NEO1: variants seen among roughly 807,000 people sequenced by gnomAD.
NEO1 encodes the protein neogenin.
In NEO1, 63 loss-of-function variants were observed where a neutral mutation model predicts 159.7. That is an observed-to-expected ratio of 0.39 (90% CI 0.32 to 0.49). The LOEUF is 0.49. Ranked by LOEUF, NEO1 falls within the 20% of genes least tolerant of loss-of-function variation. The pLI, the probability that NEO1 is intolerant of heterozygous loss-of-function variation, is 0.85. For synonymous variants in NEO1, 633 were observed against 662.0 expected, an observed-to-expected ratio of 0.96 and a Z score of 0.67; for missense variants, 1,615 against 1,831.0, an observed-to-expected ratio of 0.88 and a Z score of 2.15.
chr15:73,176,622 C>T lies in NEO1; in HGVS notation c.1170+65C>T, dbSNP rs949407601. ...TTTAGATATTTTTAAATGTAGTCAC[C>T]GAGAGATCAGTTATCTTATATATAC... On this transcript the variant is annotated intron_variant, in intron 6 of 28. Coordinates refer to ENST00000261908, the MANE Select transcript of NEO1 (RefSeq NM_002499.4). 2.6e-5 allele frequency: 33 copies of T among 1,283,152 alleles called. 1 individual carries two copies. Among genetic ancestry groups the T allele is most frequent in the South Asian group, 1.5e-4 (9 of 61,940 alleles). 79.5% of individuals were successfully genotyped at this position (1,283,152 alleles called of 1,614,324 possible). A position where few individuals can be genotyped will look rare whatever the true frequency, so the allele number is the denominator to read the frequency against.
chr15:73,052,829 G>A lies in NEO1; in HGVS notation c.130+24G>A, dbSNP rs1453578039. 6.7e-6 allele frequency: 4 copies of A among 599,516 alleles called. No homozygotes were observed. The East Asian group carries it at 4.8e-4, about 71-fold the overall frequency. The allele number at this position is 599,516 out of a possible 1,614,324, so 37.1% of individuals were successfully genotyped here. A position where few individuals can be genotyped will look rare whatever the true frequency, so the allele number is the denominator to read the frequency against. On this transcript the variant is annotated intron_variant, in intron 1 of 28. Transcript: ENST00000261908. ...AGGTAAGCGGCGGGCGCGGGCCCGGGGGTTCGCGGGGGCGCGGCACCGGCT... is the reference window on the plus strand; with the variant it reads ...AGGTAAGCGGCGGGCGCGGGCCCGGAGGTTCGCGGGGGCGCGGCACCGGCT...
chr15:73,162,546 C>A (rs2034265552), intron 5 of NEO1, among the ~76,000 whole-genome samples: 1 of 151,974 alleles, frequency 6.6e-6, no homozygotes, highest in South Asian at 2.1e-4. Context: ...GTGTGCGTCA[C>A]CATGCCCAGC....
At chr15:73,083,356 G>C (rs945485648) in intron 1 of NEO1, among the ~76,000 whole-genome samples, 11 of 152,002 alleles carry the variant, frequency 7.2e-5, no homozygotes, top group Admixed American at 2.0e-4. Context: ...GGGATGGAAG[G>C]GGGAGAGGTA....
At position 73,198,842 on chromosome 15, in the gene NEO1, A is replaced by G. The variant is rs115369853; in HGVS notation, c.1291+20415A>G. ...TTAAGAAACTTTATCTTAGGATTATATTAGATTTATAGAAAAATTATGAAG... is the reference window on the plus strand; with the variant it reads ...TTAAGAAACTTTATCTTAGGATTATGTTAGATTTATAGAAAAATTATGAAG... On this transcript the variant is annotated intron_variant, in intron 7 of 28. Coordinates refer to ENST00000261908, the MANE Select transcript of NEO1 (RefSeq NM_002499.4). Among the ~76,000 whole-genome samples the G allele has an allele frequency of 2.4e-3, 360 of 151,988 alleles. 3 individuals carry two copies. Among genetic ancestry groups the G allele is most frequent in the African/African-American group, 7.5e-3 (309 of 41,466 alleles).
chr15:73,151,232 C>G (rs1237587478), intron 5 of NEO1, among the ~76,000 whole-genome samples: 4 of 152,178 alleles, frequency 2.6e-5, no homozygotes, highest in Non-Finnish European at 5.9e-5. Context: ...TGCATATTGG[C>G]TGTTCTGGCA....
chr15:73,189,889 T>A (rs1377091712), intron 7 of NEO1, among the ~76,000 whole-genome samples: 1 of 152,228 alleles, frequency 6.6e-6, no homozygotes, highest in East Asian at 1.9e-4. Flanking sequence ...ATCAAAACAT[T>A]TAAAATACAA....
At chr15:73,097,727 G>A (rs2070144226) in intron 1 of NEO1, among the ~76,000 whole-genome samples, 1 of 147,284 alleles carries the variant, frequency 6.8e-6, no homozygotes, top group Non-Finnish European at 1.5e-5. Context: ...CTATTATGAT[G>A]AGATGTTTCA....
intron 26 of NEO1, among the ~76,000 whole-genome samples, chr15:73,294,022 CA>C (rs1374621858): frequency 3.3e-5 from 5 of 152,290 alleles, no homozygotes; most frequent in Admixed American, 6.5e-5. Context: ...GTGGGGCCAC[CA>C]GCCACGAGGA....
chr15:73,192,721 AGTAT>A (rs1205887184), intron 7 of NEO1, among the ~76,000 whole-genome samples: 1 of 151,978 alleles, frequency 6.6e-6, no homozygotes, highest in Non-Finnish European at 1.5e-5. Flanking sequence ...GTTGCAGAAA[AGTAT>A]GTATACTCTG....
At chr15:73,147,238 A>G (rs2032975387) in intron 5 of NEO1, among the ~76,000 whole-genome samples, 1 of 152,198 alleles carries the variant, frequency 6.6e-6, no homozygotes. Context: ...TACCTCAGCT[A>G]ATGTTCCCAG....
intron 3 of NEO1, among the ~76,000 whole-genome samples, chr15:73,123,136 G>A (rs2071768807): frequency 6.7e-6 from 1 of 149,422 alleles, no homozygotes. Context: ...CAGCCTGGGC[G>A]ATAGAGCAAG....
At chr15:73,202,028 A>G (rs967851628) in intron 7 of NEO1, among the ~76,000 whole-genome samples, 6 of 141,010 alleles carry the variant, frequency 4.3e-5, no homozygotes, top group East Asian at 2.1e-4. Context: ...CAATGGTGCA[A>G]TCTCAGCTCA....
At chr15:73,277,412 C>A (rs2041470307) in intron 21 of NEO1, among the ~76,000 whole-genome samples, 1 of 152,160 alleles carries the variant, frequency 6.6e-6, no homozygotes, top group African/African-American at 2.4e-5. Context: ...TTTGCACTTT[C>A]TGAGGCCTCC....
chr15:73,209,053 A>T (rs918058975), intron 7 of NEO1, among the ~76,000 whole-genome samples: 1 of 152,224 alleles, frequency 6.6e-6, no homozygotes, highest in Non-Finnish European at 1.5e-5. Flanking sequence ...CTAATTCTGA[A>T]TCATCACCAA....
intron 7 of NEO1, among the ~76,000 whole-genome samples, chr15:73,178,698 C>T (rs1363690798): frequency 6.6e-6 from 1 of 152,276 alleles, no homozygotes; most frequent in Admixed American, 6.5e-5. Context: ...ATTTAGTCAT[C>T]TTAATCTCAC....
intron 1 of NEO1, among the ~76,000 whole-genome samples, chr15:73,083,369 G>C (rs979993875): frequency 2.0e-5 from 3 of 152,010 alleles, no homozygotes; most frequent in Non-Finnish European, 4.4e-5. Context: ...GAGAGGTAGA[G>C]GGAGATGCCA....
chr15:73,156,114 G>A (rs575408874), intron 5 of NEO1, among the ~76,000 whole-genome samples: 4 of 152,270 alleles, frequency 2.6e-5, no homozygotes, highest in Admixed American at 2.6e-4. Context: ...CATTGAGTGG[G>A]GAGACTTTTT....
At chr15:73,132,732 T>C (rs1480472181) in intron 4 of NEO1, among the ~76,000 whole-genome samples, 8 of 152,110 alleles carry the variant, frequency 5.3e-5, no homozygotes, top group East Asian at 1.9e-4. Flanking sequence ...AGGACATGAA[T>C]AGACAATTCT....
rs775713284 is a variant in NEO1, at chr15:73,302,623, C to T, written c.4313C>T (p.Pro1438Leu). The change falls in exon 29 of 29, where the codon CCA becomes CTA. Residue 1438 changes from proline to leucine, a missense_variant. Physicochemically the swap from Pro to Leu is moderately conservative, Grantham distance 98. This residue lies in a region of NEO1 where 471 missense variants were observed against 498.9 expected (regional missense o/e 0.94). Transcript: ENST00000261908. ...TTTTCTTTTCCATAGAGCTATGAAC[C>T]AGATGAGCTGACCAAAGAGATGGCC... ...MLEDSESSYE[P>L]DELTKEMAHL... 1.2e-6 allele frequency: 2 copies of T among 1,613,940 alleles called. No homozygotes were observed. Among genetic ancestry groups the T allele is most frequent in the Non-Finnish European group, 8.5e-7 (1 of 1,179,890 alleles).
Sources: allele counts gnomAD v4.1 joint callset (sites outside exome capture counted in the v4.1 genomes callset), GRCh38; gene constraint gnomAD v4.1.1; regional missense constraint gnomAD v4.1.1; transcripts MANE v1.5; gene names NCBI Gene and HGNC (gene_info 2026-07-23, HGNC 2026-07-21).